DLG5: variants seen among roughly 807,000 people sequenced by gnomAD.
DLG5 encodes the protein disks large homolog 5.
In DLG5, 48 loss-of-function variants were observed where a neutral mutation model predicts 189.8. That is an observed-to-expected ratio of 0.25 (90% CI 0.20 to 0.32). The LOEUF (loss-of-function observed/expected upper bound fraction) is 0.32, where lower values mean the gene tolerates loss of function less well. DLG5 is among the 10% of genes least tolerant of loss of function. The pLI is 1.00. For missense variants in DLG5, 2,160 were observed against 2,544.7 expected (o/e 0.85, Z 3.25); for synonymous variants, 1,016 against 1,054.1 (o/e 0.96, Z 0.70).
rs183028732 is a variant in DLG5, at chr10:77,791,142, A to G, written c.*1298T>C. The G allele has an allele frequency of 6.6e-6, 1 of 152,652 alleles. No individual in the cohort carries two copies. Among genetic ancestry groups the G allele is most frequent in the African/African-American group, 2.4e-5 (1 of 41,458 alleles). 9.5% of individuals were successfully genotyped at this position (152,652 alleles called of 1,614,324 possible). A position where few individuals can be genotyped will look rare whatever the true frequency, so the allele number is the denominator to read the frequency against. On this transcript the variant is annotated 3_prime_UTR_variant, in exon 32 of 32. Transcript: ENST00000372391. ...ATCAGTTATGGCTAAACTACAATCTAGTGTCTAGAATTACAAAGAATAAAA... is the reference window on the plus strand; with the variant it reads ...ATCAGTTATGGCTAAACTACAATCTGGTGTCTAGAATTACAAAGAATAAAA...
chr10:77,939,021 A>C, the DLG5 span, among the ~76,000 whole-genome samples: 1 of 152,156 alleles, frequency 6.6e-6, no homozygotes, highest in Non-Finnish European at 1.5e-5. Context: ...TCTCTACTAA[A>C]AATACAAAAT....
At chr10:77,895,785 G>A (rs931466659) in intron 1 of DLG5, among the ~76,000 whole-genome samples, 8 of 152,090 alleles carry the variant, frequency 5.3e-5, no homozygotes, top group African/African-American at 9.7e-5. Flanking sequence ...CGAGGCAGGC[G>A]GATCACTTGA....
At chr10:77,873,103 G>A (rs1375029905) in intron 1 of DLG5, among the ~76,000 whole-genome samples, 2 of 151,918 alleles carry the variant, frequency 1.3e-5, no homozygotes, top group African/African-American at 4.8e-5. Flanking sequence ...GTACCATGCA[G>A]AGGTGCTGAT....
chr10:77,853,585 C>T (rs1163202995), intron 4 of DLG5, 48 bp from the exon 5 acceptor site: 1 of 1,454,368 alleles, frequency 6.9e-7, no homozygotes. Context: ...GCCCCTCACA[C>T]CCCGCCCCAC....
In DLG5 at chr10:77,834,010, C is replaced by G. The variant is rs750628056; in HGVS notation, c.1652G>C (p.Arg551Pro). 1 of 1,609,324 alleles carries G rather than the reference C, an allele frequency of 6.2e-7. No homozygotes were observed. Among genetic ancestry groups the G allele is most frequent in the Non-Finnish European group, 8.5e-7 (1 of 1,179,896 alleles). Residue 551 changes from arginine (R) to proline (P), a missense_variant, in exon 9 of 32, where the codon CGG becomes CCG. Arg to Pro is a moderately radical substitution (Grantham distance 103). This residue lies in a region of DLG5 where 664 missense variants were observed against 838.5 expected (regional missense o/e 0.79). Coordinates refer to ENST00000372391, the MANE Select transcript of DLG5 (RefSeq NM_004747.4). Reference sequence around the variant, plus strand: ...AGCCAGCTCGCTCACCGCACGGTCCCGCTCCCGCCTCAGGTTGTCACACAG... The same window carrying G: ...AGCCAGCTCGCTCACCGCACGGTCCGGCTCCCGCCTCAGGTTGTCACACAG... ...RTLCDNLRRE[R>P]DRAVSELAEA...
At position 77,842,135 on chromosome 10, in the gene DLG5, A is replaced by G; in HGVS notation, c.1183T>C (p.Trp395Arg). 6.2e-7 allele frequency: 1 copy of G among 1,610,978 alleles called. No homozygotes were observed. Residue 395 changes from tryptophan (W) to arginine (R), a missense_variant, in exon 7 of 32, where the codon TGG (tryptophan) becomes CGG (arginine). This residue lies in a region of DLG5 where 664 missense variants were observed against 838.5 expected (regional missense o/e 0.79). Transcript: ENST00000372391. ...KATAQNKDLQWEMELLQSELT... is the reference protein window; with the variant it reads ...KATAQNKDLQREMELLQSELT... ...TCTGACTGCAGCAGCTCCATCTCCC[A>G]CTGCAGGTCCTTGTTCTGCGCCGTG...
chr10:77,854,449 C>T, intron 3 of DLG5, 79 bp from the exon 4 acceptor site: 1 of 1,572,526 alleles, frequency 6.4e-7, no homozygotes, highest in Non-Finnish European at 8.6e-7. Flanking sequence ...CTGGATTAGG[C>T]CAGCCCAGTG....
chr10:77,825,278 G>C lies in DLG5; in HGVS notation c.2290-802C>G, dbSNP rs533104319. Among the ~76,000 whole-genome samples, 92 of 152,106 alleles carry C rather than the reference G, an allele frequency of 6.0e-4. No homozygotes were observed. The Middle Eastern group carries it at 0.01, about 17-fold the overall frequency. On this transcript the variant is annotated intron_variant, in intron 13 of 31. Transcript: ENST00000372391. ...GGGAGCAGGGGGTGTTACTACAAAT[G>C]GGCAGTGGGAGGGAGACCTCAGTGC...
At chr10:77,930,814 A>ATTT (rs35563477), upstream of DLG5, among the ~76,000 whole-genome samples, 17 of 91,654 alleles carry the variant, frequency 1.9e-4, 1 homozygote, top group Admixed American at 4.3e-4. Context: ...CACCTGGCTA[A>ATTT]TTTTTTTTTT....
At chr10:77,856,579 G>A in intron 3 of DLG5, 151 bp downstream of exon 3, 2 of 1,042,322 alleles carry the variant, frequency 1.9e-6, no homozygotes, top group South Asian at 3.3e-5. Context: ...CCCCTGGGAA[G>A]CATTTCTGGA....
chr10:77,839,252 G>A (rs1326596950), intron 7 of DLG5, among the ~76,000 whole-genome samples: 1 of 152,198 alleles, frequency 6.6e-6, no homozygotes, highest in Non-Finnish European at 1.5e-5. Flanking sequence ...TGTAATCCTA[G>A]CACTTTGGGA....
At position 77,796,004 on chromosome 10, in the gene DLG5, C is replaced by A. The variant is rs1237231715; in HGVS notation, c.5436+57G>T. On this transcript the variant is annotated intron_variant, in intron 29 of 31. Coordinates refer to ENST00000372391, the MANE Select transcript of DLG5 (RefSeq NM_004747.4). This position sits in a 1 kb window ranked among gnomAD's most constrained non-coding sequence, Gnocchi z 5.2. ...AGGATCACGGACCAGGGGCCTAGAC[C>A]TGTGCACAGGAGGTCTAATACTGGA... 1.2e-6 allele frequency: 2 copies of A among 1,612,752 alleles called. No individual in the cohort carries two copies. Among genetic ancestry groups the A allele is most frequent in the Non-Finnish European group, 8.5e-7 (1 of 1,179,440 alleles).
intron 21 of DLG5, 63 bp from the exon 22 acceptor site, chr10:77,812,120 G>A: frequency 6.3e-7 from 1 of 1,599,130 alleles, no homozygotes; most frequent in East Asian, 2.2e-5. Context: ...AGGAGGCCCT[G>A]GGGACTTGGG....
chr10:77,934,371 C>CAA, the DLG5 span, among the ~76,000 whole-genome samples: 24,468 of 95,756 alleles, frequency 0.26, 3,132 homozygotes, highest in Non-Finnish European at 0.31. Context: ...AACTCCATCT[C>CAA]AAAAAAAAAA....
chr10:77,861,299 C>T (rs141796884), intron 2 of DLG5, among the ~76,000 whole-genome samples: 2,110 of 152,306 alleles, frequency 0.014, 26 homozygotes, highest in Non-Finnish European at 0.022. Flanking sequence ...TAGTCAAGTT[C>T]AAGAAATAGC....
At chr10:77,884,673 T>G (rs1473389115) in intron 1 of DLG5, among the ~76,000 whole-genome samples, 1 of 152,100 alleles carries the variant, frequency 6.6e-6, no homozygotes, top group African/African-American at 2.4e-5. Flanking sequence ...AAAAGGACAA[T>G]TATCTTTTTT....
intron 23 of DLG5, among the ~76,000 whole-genome samples, chr10:77,810,866 T>A (rs1841729353): frequency 6.6e-6 from 1 of 151,748 alleles, no homozygotes; most frequent in Non-Finnish European, 1.5e-5. Context: ...AAAGAGAAGA[T>A]GCAGGGGAAA....
At chr10:77,892,609 T>C (rs889154580) in intron 1 of DLG5, among the ~76,000 whole-genome samples, 1 of 152,168 alleles carries the variant, frequency 6.6e-6, no homozygotes, top group Non-Finnish European at 1.5e-5. Context: ...ACACTGCACC[T>C]GTGTACTATA....
Position 77,811,098 on chromosome 10 carries a change from A to G in DLG5, c.4459T>C (p.Ser1487Pro). 6.2e-7 allele frequency: 1 copy of G among 1,611,396 alleles called. No homozygotes were observed. Among genetic ancestry groups the G allele is most frequent in the East Asian group, 2.2e-5 (1 of 44,838 alleles). ...PSTPPAKQSS[S>P]RIAGDANKKT... ...CTCACAGCAACGTCTGCTGACCTGG[A>G]GCTGCTCTGCTTGGCTGGGGGGGTG... is the stretch of plus-strand genomic sequence containing the variant. The change falls in exon 23 of 32, where the codon TCC becomes CCC. Residue 1487 changes from serine to proline, a missense_variant. Coordinates refer to ENST00000372391, the MANE Select transcript of DLG5 (RefSeq NM_004747.4).
Sources: gnomAD v4.1 joint callset for allele counts (sites outside exome capture counted in the v4.1 genomes callset) on GRCh38, gnomAD v4.1.1 for gene constraint, gnomAD v4.1.1 regional missense constraint, Gnocchi (gnomAD v3.1) non-coding constraint, MANE v1.5 for transcripts, NCBI Gene and HGNC (gene_info 2026-07-23, HGNC 2026-07-21) for gene names.